The following POLA2 variants were observed in gnomAD, a reference collection of about 807,000 sequenced individuals.
POLA2 encodes the protein DNA polymerase alpha 2, accessory subunit.
POLA2 carries 47 observed loss-of-function variants against 82.8 expected under a neutral mutation model. That is an observed-to-expected ratio of 0.57 (90% CI 0.45 to 0.72). The LOEUF is 0.72. POLA2 is among the 30% of genes least tolerant of loss of function. The pLI is 0.00. For synonymous variants in POLA2, 287 were observed against 286.8 expected, an observed-to-expected ratio of 1.00 and a Z score of -0.01; for missense variants, 634 against 728.1, an observed-to-expected ratio of 0.87 and a Z score of 1.49.
chr11:65,294,785 C>T, intron 15 of POLA2, 133 bp downstream of exon 15: 1 of 607,234 alleles, frequency 1.6e-6, no homozygotes, highest in Non-Finnish European at 2.9e-6. Context: ...CTGTGCCAGA[C>T]CCTCTAGCCA....
chr11:65,301,113 A>G (rs953606137), downstream of POLA2, among the ~76,000 whole-genome samples: 6 of 152,082 alleles, frequency 3.9e-5, no homozygotes, highest in Non-Finnish European at 8.8e-5. Flanking sequence ...GTTCCTAGGA[A>G]TGGGGAGGGG....
intron 4 of POLA2, among the ~76,000 whole-genome samples, chr11:65,270,870 C>T (rs1235076600): frequency 1.3e-5 from 2 of 152,190 alleles, no homozygotes; most frequent in Non-Finnish European, 1.5e-5. Flanking sequence ...ACATCTCTCC[C>T]ACTGGCTTTT....
rs55894702 is a variant in POLA2, at chr11:65,296,316, T to C, written c.1647+326T>C. ...ATTTCATATGTACACTTGCCTGTCC[T>C]CTGCCTCCCAAATTCTGATATGACC... On this transcript the variant is annotated intron_variant, in intron 17 of 17. Transcript: ENST00000265465. 1.5e-4 allele frequency: 37 copies of C among 249,644 alleles called. No individual in the cohort carries two copies. In the East Asian group the frequency reaches 3.0e-3, roughly 21 times the overall value. 15.5% of individuals were successfully genotyped at this position (249,644 alleles called of 1,614,324 possible).
intron 1 of POLA2, among the ~76,000 whole-genome samples, chr11:65,263,525 TTC>T (rs1949424145): frequency 6.6e-6 from 1 of 152,136 alleles, no homozygotes. Flanking sequence ...GGCTCGGTCC[TTC>T]TCTTTTTAAA....
intron 16 of POLA2, 124 bp from the exon 17 acceptor site, chr11:65,295,740 C>T (rs1159800291): frequency 1.5e-6 from 2 of 1,349,534 alleles, no homozygotes; most frequent in Admixed American, 3.5e-5. Context: ...TTCTGCCCCA[C>T]ACACACAGAG....
chr11:65,265,006 G>A (rs1308668538), intron 1 of POLA2, among the ~76,000 whole-genome samples: 2 of 152,156 alleles, frequency 1.3e-5, no homozygotes, highest in Non-Finnish European at 2.9e-5. Context: ...GGAGGAGGGC[G>A]GATCACAAGG....
chr11:65,262,277 C>G lies in POLA2; in HGVS notation c.-16C>G, dbSNP rs776470167. The G allele has an allele frequency of 6.2e-7, 1 of 1,609,830 alleles. No homozygotes were observed. Among genetic ancestry groups the G allele is most frequent in the African/African-American group, 1.3e-5 (1 of 74,962 alleles). On this transcript the variant is annotated 5_prime_UTR_variant, in exon 1 of 18. Coordinates refer to ENST00000265465, the MANE Select transcript of POLA2 (RefSeq NM_002689.4). ...AGCTGGGTGGGCCGGCTCCCCGGCC[C>G]CTGGCTTGGGCGACCATGTCCGCAT... is the stretch of plus-strand genomic sequence containing the variant.
At chr11:65,285,971 G>A (rs1461254552) in intron 10 of POLA2, among the ~76,000 whole-genome samples, 1 of 152,144 alleles carries the variant, frequency 6.6e-6, no homozygotes, top group African/African-American at 2.4e-5. Flanking sequence ...CTGAATCACA[G>A]CCCCAGGAAT....
At position 65,268,691 on chromosome 11, in the gene POLA2, G is replaced by A; in HGVS notation, c.316G>A (p.Glu106Lys). The change falls in exon 4 of 18, where the codon GAG becomes AAG. Residue 106 changes from glutamate to lysine, a missense_variant. Physicochemically the swap from Glu to Lys is moderately conservative, Grantham distance 56. Transcript: ENST00000265465. ...TCTTAGAATTGAAGTGGAAGAAGAA[G>A]AGGAAATCCTCTTGAACTCTTACAC... ...IQELIEVEEE[E>K]EILLNSYTTP... 1 of 1,599,676 alleles carries A rather than the reference G, an allele frequency of 6.3e-7. No individual in the cohort carries two copies. The highest frequency in any genetic ancestry group is 8.5e-7 in the Non-Finnish European group (1 of 1,173,580).
chr11:65,297,132 T>C lies in POLA2; in HGVS notation c.1660T>C (p.Cys554Arg). The change falls in exon 18 of 18, where the codon TGT (cysteine) becomes CGT (arginine). Residue 554 changes from cysteine to arginine, a missense_variant. Cys to Arg is a radical substitution (Grantham distance 180). Transcript: ENST00000265465. ...CTCTCCTCCCCAGGATGTCCTCGGC[T>C]GTGTCTGTGTGAACCCTGGGCGCCT... Reference protein sequence around the residue: ...LRYFVKDVLGCVCVNPGRLTK... With the variant: ...LRYFVKDVLGRVCVNPGRLTK... 1 of 1,614,036 alleles carries C rather than the reference T, an allele frequency of 6.2e-7. No individual in the cohort carries two copies. Among genetic ancestry groups the C allele is most frequent in the Non-Finnish European group, 8.5e-7 (1 of 1,179,982 alleles).
Position 65,297,476 on chromosome 11 carries a change from C to G in POLA2, c.*207C>G. ...GTGGTGCCTCTCCTGGAAGGAAGCT[C>G]TTGCTTCTCAGTCCATGCTCCGTGT... On this transcript the variant is annotated 3_prime_UTR_variant, in exon 18 of 18. Transcript: ENST00000265465. The G allele has an allele frequency of 4.2e-6, 2 of 475,996 alleles. No homozygotes were observed. Among genetic ancestry groups the G allele is most frequent in the Non-Finnish European group, 7.2e-6 (2 of 278,728 alleles). 29.5% of individuals were successfully genotyped at this position (475,996 alleles called of 1,614,324 possible).
chr11:65,268,428 T>G (rs1351661274), intron 3 of POLA2, among the ~76,000 whole-genome samples: 1 of 151,656 alleles, frequency 6.6e-6, no homozygotes, highest in Non-Finnish European at 1.5e-5. Context: ...CTCAGCTCAC[T>G]GCAAGCTCCG....
chr11:65,304,903 TCTATCACCA>T (rs1462700024), intron 8 of POLA2, among the ~76,000 whole-genome samples: 1 of 152,066 alleles, frequency 6.6e-6, no homozygotes, highest in Non-Finnish European at 1.5e-5. Context: ...GGTGTTTTTG[TCTATCACCA>T]TGTGGTGTGG....
At chr11:65,264,762 C>T (rs1488894360) in intron 1 of POLA2, among the ~76,000 whole-genome samples, 1 of 152,212 alleles carries the variant, frequency 6.6e-6, no homozygotes, top group Non-Finnish European at 1.5e-5. Context: ...AACCCCATTC[C>T]TTCTGAAGCA....
At chr11:65,271,995 A>G (rs118079712) in intron 4 of POLA2, among the ~76,000 whole-genome samples, 29 of 152,242 alleles carry the variant, frequency 1.9e-4, no homozygotes, top group Admixed American at 5.2e-4. Flanking sequence ...TAGGCCATGC[A>G]TCAATGGCAG....
Position 65,281,742 on chromosome 11 carries a change from A to AG in POLA2, c.963+11dup. ...CACCAAACTCTACGAGGTACACAGC[A>AG]GTACCCCCACTTGCCTCTTGGTTTG... On this transcript the variant is annotated intron_variant, in intron 9 of 17. Coordinates refer to ENST00000265465, the MANE Select transcript of POLA2 (RefSeq NM_002689.4). 6.2e-7 allele frequency: 1 copy of AG among 1,608,492 alleles called. No homozygotes were observed. Among genetic ancestry groups the AG allele is most frequent in the Non-Finnish European group, 8.5e-7 (1 of 1,174,830 alleles).
Position 65,297,379 on chromosome 11 carries a change from G to C in POLA2, c.*110G>C. ...CAGTTGGGTGGGAAAGGAGAGAGGA[G>C]CCAGCCAGGGAGGGGCAGCTGCAGT... On this transcript the variant is annotated 3_prime_UTR_variant, in exon 18 of 18. Coordinates refer to ENST00000265465, the MANE Select transcript of POLA2 (RefSeq NM_002689.4). 5.3e-6 allele frequency: 7 copies of C among 1,309,912 alleles called. No individual in the cohort carries two copies. Among genetic ancestry groups the C allele is most frequent in the Non-Finnish European group, 6.1e-6 (6 of 990,768 alleles). The allele number at this position is 1,309,912 out of a possible 1,614,324, so 81.1% of individuals were successfully genotyped here.
Position 65,275,919 on chromosome 11 carries a change from C to T in POLA2, c.382C>T (p.Pro128Ser), listed in dbSNP as rs1949573408. The T allele has an allele frequency of 1.9e-6, 3 of 1,608,340 alleles. No individual in the cohort carries two copies. The highest frequency in any genetic ancestry group is 2.2e-5 in the East Asian group (1 of 44,540). ...TTCTCAGAAGCGAGCTATCTCTACC[C>T]CAGAAACCCCCCTAACAAAAAGGAG... ...KGSQKRAIST[P>S]ETPLTKRSVS... Residue 128 changes from proline to serine, a missense_variant, in exon 5 of 18, where the codon CCA (proline) becomes TCA (serine). Transcript: ENST00000265465.
chr11:65,301,248 A>G (rs781288350), downstream of POLA2, among the ~76,000 whole-genome samples: 10 of 152,172 alleles, frequency 6.6e-5, no homozygotes, highest in Non-Finnish European at 1.3e-4. Flanking sequence ...GGTGCTTCAG[A>G]GCCAGATTGT....
Sources: allele counts gnomAD v4.1 joint callset (sites outside exome capture counted in the v4.1 genomes callset), GRCh38; gene constraint gnomAD v4.1.1; transcripts MANE v1.5; gene names NCBI Gene and HGNC (gene_info 2026-07-23, HGNC 2026-07-21).